PHACTR1: variants seen among roughly 807,000 people sequenced by gnomAD.
The protein encoded by PHACTR1 is phosphatase and actin regulator 1.
PHACTR1 carries 16 observed loss-of-function variants against 69.2 expected under a neutral mutation model. The observed-to-expected ratio is 0.23, with a 90% CI of 0.16 to 0.35. PHACTR1 has a LOEUF of 0.35. Ranked by LOEUF, PHACTR1 falls within the 10% of genes least tolerant of loss-of-function variation. The probability of loss-of-function intolerance (pLI) is 1.00; values close to 1 mark genes in which losing one functional copy is unlikely to be tolerated. For missense variants in PHACTR1, 510 were observed against 734.7 expected, an observed-to-expected ratio of 0.69 and a Z score of 3.54; for synonymous variants, 312 against 284.5, an observed-to-expected ratio of 1.10 and a Z score of -0.97.
chr6:13,272,157 T>A (rs1777870710), intron 10 of PHACTR1: 1 of 152,388 alleles, frequency 6.6e-6, no homozygotes, highest in African/African-American at 2.4e-5. Flanking sequence ...TCAGATGCCA[T>A]GCCCGTTCCC....
chr6:12,748,935 C>T (rs1171721076), intron 3 of PHACTR1, among the ~76,000 whole-genome samples: 1 of 152,206 alleles, frequency 6.6e-6, no homozygotes, highest in African/African-American at 2.4e-5. Context: ...CTCCCCACCT[C>T]TAAGTTGTAA....
At chr6:12,841,577 A>G (rs944957448) in intron 4 of PHACTR1, among the ~76,000 whole-genome samples, 5 of 152,238 alleles carry the variant, frequency 3.3e-5, no homozygotes, top group African/African-American at 4.8e-5. Context: ...TTAAATGCTG[A>G]TGACTAAATG....
Position 12,819,539 on chromosome 6 carries a change from G to C in PHACTR1, c.250+69749G>C, listed in dbSNP as rs187833378. Among the ~76,000 whole-genome samples, 297 of 152,108 alleles carry C rather than the reference G, an allele frequency of 2.0e-3. 1 individual carries two copies. The highest frequency in any genetic ancestry group is 6.4e-3 in the African/African-American group (266 of 41,518). ...GCACCTCTTATTAGTTGTGAATTTG[G>C]GCAATAAAAACAACTTCACTGTGTC... On this transcript the variant is annotated intron_variant, in intron 4 of 14. Coordinates refer to ENST00000332995, the MANE Select transcript of PHACTR1 (RefSeq NM_030948.6).
At chr6:12,963,958 T>C (rs1311840787) in intron 4 of PHACTR1, among the ~76,000 whole-genome samples, 2 of 152,224 alleles carry the variant, frequency 1.3e-5, no homozygotes, top group African/African-American at 4.8e-5. Flanking sequence ...CAGAAACAAG[T>C]CACCAGACTT....
intron 6 of PHACTR1, among the ~76,000 whole-genome samples, chr6:13,162,191 C>T (rs1300524066): frequency 6.6e-6 from 1 of 152,170 alleles, no homozygotes; most frequent in African/African-American, 2.4e-5. Context: ...CCTCCGCCTC[C>T]TGGGTTCCAG....
At chr6:13,061,003 C>T (rs1349439160) in intron 5 of PHACTR1, among the ~76,000 whole-genome samples, 2 of 152,178 alleles carry the variant, frequency 1.3e-5, no homozygotes, top group Middle Eastern at 3.2e-3. Flanking sequence ...AGGGTGGGTT[C>T]CTTCTGGAGA....
intron 5 of PHACTR1, among the ~76,000 whole-genome samples, chr6:13,087,733 C>T (rs1812545202): frequency 6.6e-6 from 1 of 151,514 alleles, no homozygotes. Flanking sequence ...GCAGCTTTGA[C>T]CTCCTGGGCT....
intron 5 of PHACTR1, among the ~76,000 whole-genome samples, chr6:13,156,012 T>C (rs1249715009): frequency 6.6e-6 from 1 of 152,236 alleles, no homozygotes; most frequent in Non-Finnish European, 1.5e-5. Context: ...CTTCTGTTTT[T>C]AGAGCCTTTT....
At chr6:13,282,447 T>C (rs150224876) in intron 12 of PHACTR1, among the ~76,000 whole-genome samples, 1 of 152,314 alleles carries the variant, frequency 6.6e-6, no homozygotes, top group African/African-American at 2.4e-5. Flanking sequence ...TCATCCCTCA[T>C]TCCTGCAGTC....
chr6:13,114,398 G>A (rs1817505635), intron 5 of PHACTR1, among the ~76,000 whole-genome samples: 1 of 152,276 alleles, frequency 6.6e-6, no homozygotes, highest in South Asian at 2.1e-4. Context: ...TCCAGGCTCA[G>A]GTAATCCTGT....
At chr6:12,752,211 C>A (rs1250000013) in intron 4 of PHACTR1, among the ~76,000 whole-genome samples, 1 of 152,170 alleles carries the variant, frequency 6.6e-6, no homozygotes, top group African/African-American at 2.4e-5. Context: ...GCCTTTCTCC[C>A]GCATTTAAGA....
chr6:13,031,805 C>T (rs1802492130), intron 4 of PHACTR1, among the ~76,000 whole-genome samples: 1 of 152,158 alleles, frequency 6.6e-6, no homozygotes, highest in African/African-American at 2.4e-5. Flanking sequence ...TTTGACTCAC[C>T]TTTGCCCAAG....
At chr6:13,110,866 G>A (rs1458552321) in intron 5 of PHACTR1, among the ~76,000 whole-genome samples, 3 of 152,264 alleles carry the variant, frequency 2.0e-5, no homozygotes, top group Admixed American at 6.5e-5. Flanking sequence ...ATCATGGCTG[G>A]AAGCTGAAAT....
intron 5 of PHACTR1, among the ~76,000 whole-genome samples, chr6:13,126,089 A>T (rs1429010449): frequency 6.6e-6 from 1 of 152,188 alleles, no homozygotes; most frequent in African/African-American, 2.4e-5. Context: ...TTCAAGTAAG[A>T]TTTCCTTCTC....
At chr6:12,741,145 T>C (rs1459819667) in intron 3 of PHACTR1, among the ~76,000 whole-genome samples, 1 of 152,046 alleles carries the variant, frequency 6.6e-6, no homozygotes, top group Non-Finnish European at 1.5e-5. Context: ...GCAATAAATG[T>C]CCCAACCAGC....
At chr6:13,118,502 G>A (rs1015990237) in intron 5 of PHACTR1, among the ~76,000 whole-genome samples, 8 of 140,524 alleles carry the variant, frequency 5.7e-5, no homozygotes, top group Non-Finnish European at 1.1e-4. Context: ...TTTTTGAGAC[G>A]GAGTCTCGCT....
chr6:13,082,858 G>A (rs1583279621), intron 5 of PHACTR1, among the ~76,000 whole-genome samples: 1 of 152,128 alleles, frequency 6.6e-6, no homozygotes, highest in Non-Finnish European at 1.5e-5. Context: ...TTTGTCAGAT[G>A]AGTAGGTTGC....
intron 5 of PHACTR1, among the ~76,000 whole-genome samples, chr6:13,143,850 GATAAT>G (rs1436033675): frequency 6.6e-6 from 1 of 151,916 alleles, no homozygotes; most frequent in African/African-American, 2.4e-5. Context: ...TATTTAAAAG[GATAAT>G]ATGTCACAGT....
chr6:12,940,467 G>A (rs1435098700), intron 4 of PHACTR1, among the ~76,000 whole-genome samples: 3 of 152,158 alleles, frequency 2.0e-5, no homozygotes, highest in Non-Finnish European at 4.4e-5. Context: ...TATTTAGAAT[G>A]GTGAAATATT....
Sources: allele counts gnomAD v4.1 joint callset (sites outside exome capture counted in the v4.1 genomes callset), GRCh38; gene constraint gnomAD v4.1.1; transcripts MANE v1.5; gene names NCBI Gene and HGNC (gene_info 2026-07-23, HGNC 2026-07-21).